Variants in PEX13 observed in about 807,000 individuals in gnomAD.
PEX13 encodes the protein peroxisomal biogenesis factor 13, also known as peroxisome biogenesis factor 13.
Under a neutral mutation model 34.5 loss-of-function variants are expected in PEX13, and 28 were observed. The observed-to-expected ratio is 0.81, with a 90% CI of 0.60 to 1.11. The LOEUF (loss-of-function observed/expected upper bound fraction) is 1.11, where lower values mean the gene tolerates loss of function less well. PEX13 is among the 50% of genes most tolerant of loss of function. The pLI is 0.00. For synonymous variants in PEX13, 177 were observed against 175.1 expected (o/e 1.01, Z -0.09); for missense variants, 550 against 491.0 (o/e 1.12, Z -1.13).
intron 1 of PEX13, among the ~76,000 whole-genome samples, chr2:61,026,344 C>CTTTTTTTT (rs71402320): frequency 7.3e-4 from 88 of 121,202 alleles, no homozygotes; most frequent in Non-Finnish European, 1.0e-3. Context: ...TTTCTTTTTT[C>CTTTTTTTT]TTTTTTTTTT....
chr2:61,041,158 GTC>G (rs1680620555), intron 2 of PEX13, among the ~76,000 whole-genome samples: 1 of 152,032 alleles, frequency 6.6e-6, no homozygotes, highest in South Asian at 2.1e-4. Context: ...GGGAAAACCT[GTC>G]TCTACAACAG....
intron 1 of PEX13, among the ~76,000 whole-genome samples, chr2:61,026,517 T>C (rs1680358315): frequency 1.3e-5 from 2 of 151,694 alleles, no homozygotes; most frequent in Admixed American, 1.3e-4. Flanking sequence ...GTGGCTAATT[T>C]TTGTATTTTT....
At chr2:61,031,076 GC>G (rs1680441576) in intron 1 of PEX13, among the ~76,000 whole-genome samples, 2 of 152,198 alleles carry the variant, frequency 1.3e-5, no homozygotes, top group South Asian at 4.2e-4. Context: ...GATCGTTTGA[GC>G]CCAGGAGTTT....
chr2:61,023,481 AT>A (rs1680300233), intron 1 of PEX13, among the ~76,000 whole-genome samples: 1 of 150,444 alleles, frequency 6.6e-6, no homozygotes, highest in African/African-American at 2.5e-5. Flanking sequence ...CTGAGGATTC[AT>A]TTCTTTTTTT....
intron 2 of PEX13, among the ~76,000 whole-genome samples, chr2:61,043,374 G>C (rs1284075115): frequency 6.8e-6 from 1 of 147,296 alleles, no homozygotes; most frequent in Non-Finnish European, 1.5e-5. Flanking sequence ...AAAAAAGACA[G>C]TACTGCTTAG....
At chr2:61,026,344 CTTTT>C (rs71402320) in intron 1 of PEX13, among the ~76,000 whole-genome samples, 2 of 121,236 alleles carry the variant, frequency 1.6e-5, no homozygotes, top group Admixed American at 8.6e-5. Context: ...TTTCTTTTTT[CTTTT>C]TTTTTTTTTT....
chr2:61,021,700 C>G (rs1010462246), intron 1 of PEX13, among the ~76,000 whole-genome samples: 2 of 152,194 alleles, frequency 1.3e-5, no homozygotes, highest in Admixed American at 6.5e-5. Context: ...GCTCTGAGAA[C>G]GGACAGACGG....
Position 61,031,984 on chromosome 2 carries a change from T to A in PEX13, c.658T>A (p.Cys220Ser). 1.9e-6 allele frequency: 3 copies of A among 1,613,962 alleles called. No homozygotes were observed. The highest frequency in any genetic ancestry group is 2.5e-6 in the Non-Finnish European group (3 of 1,179,834). The change falls in exon 2 of 4, where the codon TGC (cysteine) becomes AGC (serine). Residue 220 changes from cysteine (C) to serine (S), a missense_variant. Physicochemically the swap from Cys to Ser is moderately radical, Grantham distance 112 (BLOSUM62 -1). Transcript: ENST00000295030. ...LWAESEGTVA[C>S]LGAEDRAATS... ...GGCAGAGAGTGAAGGAACTGTGGCATGCCTTGGTGCTGAGGACCGAGCAGC... is the reference window on the plus strand; with the variant it reads ...GGCAGAGAGTGAAGGAACTGTGGCAAGCCTTGGTGCTGAGGACCGAGCAGC...
intron 2 of PEX13, among the ~76,000 whole-genome samples, chr2:61,036,537 C>T (rs1245229731): frequency 2.6e-5 from 4 of 152,086 alleles, no homozygotes; most frequent in African/African-American, 7.2e-5. Context: ...GCTTCATAAG[C>T]GAAGGAGAAA....
At chr2:61,044,787 C>T (rs1008512596) in intron 2 of PEX13, among the ~76,000 whole-genome samples, 1 of 152,222 alleles carries the variant, frequency 6.6e-6, no homozygotes, top group Non-Finnish European at 1.5e-5. Context: ...TACAGTTTGA[C>T]TCACAAGTAA....
chr2:61,020,437 A>C (rs964449241), intron 1 of PEX13, among the ~76,000 whole-genome samples: 1 of 151,662 alleles, frequency 6.6e-6, no homozygotes, highest in Non-Finnish European at 1.5e-5. Context: ...TCAAACTCTT[A>C]ATTAGTTCTG....
chr2:61,018,076 G>A, intron 1 of PEX13: 1 of 1,504,706 alleles, frequency 6.6e-7, no homozygotes, highest in Non-Finnish European at 8.9e-7. Context: ...TTTTTTTCGG[G>A]AGCTCCTGGG....
rs1292631867 is a variant in PEX13, at chr2:61,031,465, G to A, written c.139G>A (p.Ala47Thr). The change falls in exon 2 of 4, where the codon GCA (alanine) becomes ACA (threonine). Residue 47 changes from alanine (A) to threonine (T), a missense_variant. Ala to Thr is a moderately conservative substitution (Grantham distance 58). Transcript: ENST00000295030. ...PTLMTRPGQP[A>T]LTRVPPPILP... ...TTTAATGACAAGACCTGGACAACCAGCACTTACCAGAGTGCCCCCACCTAT... is the reference window on the plus strand; with the variant it reads ...TTTAATGACAAGACCTGGACAACCAACACTTACCAGAGTGCCCCCACCTAT... The A allele has an allele frequency of 1.8e-5, 29 of 1,614,070 alleles. No individual in the cohort carries two copies. The highest frequency in any genetic ancestry group is 2.3e-5 in the Non-Finnish European group (27 of 1,180,042).
At chr2:61,022,592 G>T (rs1024515664) in intron 1 of PEX13, among the ~76,000 whole-genome samples, 1 of 152,208 alleles carries the variant, frequency 6.6e-6, no homozygotes, top group Non-Finnish European at 1.5e-5. Context: ...TTCTAAACCA[G>T]TTGGAGTGGT....
rs747295989 is a variant in PEX13, at chr2:61,047,507, C to T, written c.914-965C>T. ...GCAATTTACTATTTTGGATTTCAAA[C>T]GAATGATTTTTTAAAGATTTGTTGT... On this transcript the variant is annotated intron_variant, in intron 3 of 3. Coordinates refer to ENST00000295030, the MANE Select transcript of PEX13 (RefSeq NM_002618.4). Among the ~76,000 whole-genome samples the T allele has an allele frequency of 3.9e-5, 6 of 152,070 alleles. No individual in the cohort carries two copies. The South Asian group carries it at 6.2e-4, about 16-fold the overall frequency.
At chr2:61,020,242 A>G (rs1471204583) in intron 1 of PEX13, among the ~76,000 whole-genome samples, 1 of 152,128 alleles carries the variant, frequency 6.6e-6, no homozygotes, top group Non-Finnish European at 1.5e-5. Context: ...CAACAACAAC[A>G]AAAAACTTAT....
chr2:61,027,144 C>T (rs541756266), intron 1 of PEX13, among the ~76,000 whole-genome samples: 3 of 145,842 alleles, frequency 2.1e-5, no homozygotes, highest in Non-Finnish European at 4.5e-5. Flanking sequence ...CAAGATGTAG[C>T]GAGAACCCAT....
intron 1 of PEX13, chr2:61,018,782 A>G (rs2104792070): frequency 6.6e-6 from 1 of 152,476 alleles, no homozygotes; most frequent in Admixed American, 6.5e-5. Flanking sequence ...AATAAGTTTG[A>G]TTAGGCTGGT....
intron 1 of PEX13, chr2:61,019,035 C>G (rs372602988): frequency 2.0e-5 from 3 of 152,162 alleles, no homozygotes; most frequent in African/African-American, 7.2e-5. Context: ...AGACTTATGT[C>G]GAATTTTTCA....
Sources: gnomAD v4.1 joint callset for allele counts (sites outside exome capture counted in the v4.1 genomes callset) on GRCh38, gnomAD v4.1.1 for gene constraint, MANE v1.5 for transcripts, NCBI Gene and HGNC (gene_info 2026-07-23, HGNC 2026-07-21) for gene names.